The following CACNB2 variants were observed in gnomAD, a reference collection of about 807,000 sequenced individuals.
CACNB2 encodes the protein calcium voltage-gated channel auxiliary subunit beta 2, also known as voltage-dependent L-type calcium channel subunit beta-2.
In CACNB2, 42 loss-of-function variants were observed where a neutral mutation model predicts 73.3. The observed-to-expected ratio is 0.57, with a 90% CI of 0.45 to 0.74. CACNB2 has a LOEUF of 0.74. Among genes scored for constraint, CACNB2 ranks in the 30% least tolerant of loss-of-function variants. The probability of loss-of-function intolerance (pLI) is 0.00; values close to 1 mark genes in which losing one functional copy is unlikely to be tolerated. For synonymous variants in CACNB2, 348 were observed against 310.3 expected, an observed-to-expected ratio of 1.12 and a Z score of -1.28; for missense variants, 940 against 853.0, an observed-to-expected ratio of 1.10 and a Z score of -1.27.
At chr10:18,512,505 C>T (rs951661024) in intron 6 of CACNB2, among the ~76,000 whole-genome samples, 1 of 151,836 alleles carries the variant, frequency 6.6e-6, no homozygotes, top group African/African-American at 2.4e-5. Context: ...AAACTTTTCA[C>T]ACTGTCCTTA....
chr10:18,514,831 CTT>C (rs1331438720), intron 7 of CACNB2: 43 of 706,060 alleles, frequency 6.1e-5, no homozygotes, highest in Non-Finnish European at 1.0e-4. Context: ...TATTCTATCT[CTT>C]TCTTTTATCC....
At chr10:18,323,461 A>G (rs1051027028) in intron 2 of CACNB2, among the ~76,000 whole-genome samples, 13 of 152,044 alleles carry the variant, frequency 8.6e-5, no homozygotes, top group African/African-American at 3.1e-4. Flanking sequence ...TTTAGAACCT[A>G]TATCACAATT....
At chr10:18,363,075 T>C (rs1432217282) in intron 2 of CACNB2, among the ~76,000 whole-genome samples, 1 of 152,196 alleles carries the variant, frequency 6.6e-6, no homozygotes, top group African/African-American at 2.4e-5. Flanking sequence ...CTCTCTGTCA[T>C]AGTCACATGT....
At chr10:18,430,131 T>TA (rs35215145) in intron 3 of CACNB2, among the ~76,000 whole-genome samples, 47 of 149,722 alleles carry the variant, frequency 3.1e-4, no homozygotes, top group East Asian at 7.8e-4. Context: ...AAGAAGATGT[T>TA]AAAAAAAAAA....
chr10:18,481,231 T>TATATATATATATA lies in CACNB2; in HGVS notation c.334-17124_334-17123insATATATATATATA, dbSNP rs1467945071. 2.5e-3 allele frequency among the ~76,000 whole-genome samples: 31 copies of TATATATATATATA among 12,506 alleles called. 1 individual carries two copies. Among genetic ancestry groups the TATATATATATATA allele is most frequent in the Non-Finnish European group, 2.8e-3 (22 of 7,744 alleles). The allele number at this position is 12,506 out of a possible 152,430, so 8.2% of individuals were successfully genotyped here. A position where few individuals can be genotyped will look rare whatever the true frequency, so the allele number is the denominator to read the frequency against. On this transcript the variant is annotated intron_variant, in intron 3 of 13. Coordinates refer to ENST00000324631, the MANE Select transcript of CACNB2 (RefSeq NM_201596.3). The stretch of plus-strand genomic sequence containing the variant: ...ATATATATATATATATATATATATA[T>TATATATATATATA]TTTTTTTTTTTTTTTTTTTTTTTTT...
rs577252527 is a variant in CACNB2, at chr10:18,190,115, G to C, written c.213+39140G>C. 1.1e-4 allele frequency among the ~76,000 whole-genome samples: 17 copies of C among 152,242 alleles called. No homozygotes were observed. The South Asian group carries it at 3.1e-3, about 28-fold the overall frequency. On this transcript the variant is annotated intron_variant, in intron 2 of 13. Transcript: ENST00000324631. ...TTACCCCCGAAGCCCTTCATGGGTGGAGCTCCTTGAGACCCCTGGCTAAAT... is the reference window on the plus strand; with the variant it reads ...TTACCCCCGAAGCCCTTCATGGGTGCAGCTCCTTGAGACCCCTGGCTAAAT...
chr10:18,157,015 T>C (rs11594496), intron 2 of CACNB2, among the ~76,000 whole-genome samples: 27,519 of 151,218 alleles, frequency 0.18, 2,598 homozygotes, highest in African/African-American at 0.22. Flanking sequence ...TGCACTCAGA[T>C]TGCGCCATTG....
chr10:18,387,204 G>T (rs1198343146), intron 2 of CACNB2, among the ~76,000 whole-genome samples: 1 of 152,120 alleles, frequency 6.6e-6, no homozygotes, highest in East Asian at 1.9e-4. Context: ...ATCTATGACT[G>T]TTTCCTGCCA....
At chr10:18,264,276 A>G (rs2037688907) in intron 2 of CACNB2, among the ~76,000 whole-genome samples, 1 of 152,228 alleles carries the variant, frequency 6.6e-6, no homozygotes, top group South Asian at 2.1e-4. Context: ...TCATCATGGA[A>G]AATTGGGTAT....
At chr10:18,305,665 T>A (rs1475866458) in intron 2 of CACNB2, among the ~76,000 whole-genome samples, 8 of 152,162 alleles carry the variant, frequency 5.3e-5, no homozygotes, top group Non-Finnish European at 1.2e-4. Context: ...AGTCCCAATT[T>A]TAAGTAACAC....
At chr10:18,498,576 C>A (rs546792507) in intron 4 of CACNB2, 99 bp downstream of exon 4, 15 of 1,154,150 alleles carry the variant, frequency 1.3e-5, no homozygotes, top group Non-Finnish European at 1.7e-5. Context: ...AGTAGCATTG[C>A]ACATCGCTGC....
intron 3 of CACNB2, among the ~76,000 whole-genome samples, chr10:18,469,320 C>G (rs913374576): frequency 2.6e-5 from 4 of 152,208 alleles, no homozygotes; most frequent in African/African-American, 9.6e-5. Flanking sequence ...TGGACATCGC[C>G]ATTGGATGGG....
At chr10:18,449,867 G>A (rs951765744) in intron 3 of CACNB2, among the ~76,000 whole-genome samples, 2 of 152,188 alleles carry the variant, frequency 1.3e-5, no homozygotes, top group Admixed American at 6.5e-5. Context: ...GCAGAGAAGG[G>A]GCCTCAGAAA....
chr10:18,436,571 T>C (rs576392130), intron 3 of CACNB2, among the ~76,000 whole-genome samples: 1 of 152,332 alleles, frequency 6.6e-6, no homozygotes, highest in East Asian at 1.9e-4. Flanking sequence ...TTGACTTACA[T>C]GTGGCTTTAT....
At chr10:18,343,087 ATTAC>A (rs1242555420) in intron 2 of CACNB2, among the ~76,000 whole-genome samples, 4 of 152,192 alleles carry the variant, frequency 2.6e-5, no homozygotes, top group African/African-American at 7.2e-5. Context: ...ATTTGGTGTA[ATTAC>A]TTTCTACCGC....
intron 4 of CACNB2, among the ~76,000 whole-genome samples, chr10:18,499,339 T>A (rs536150425): frequency 6.6e-6 from 1 of 152,138 alleles, no homozygotes; most frequent in African/African-American, 2.4e-5. Context: ...AACCTAGGGC[T>A]GGGCCCGGTG....
chr10:18,455,074 G>C (rs2047211148), intron 3 of CACNB2, among the ~76,000 whole-genome samples: 1 of 149,396 alleles, frequency 6.7e-6, no homozygotes, highest in African/African-American at 2.4e-5. Flanking sequence ...CGTACTCATT[G>C]ACGTGAAAAG....
intron 4 of CACNB2, among the ~76,000 whole-genome samples, chr10:18,500,284 A>G (rs1419380071): frequency 1.3e-5 from 2 of 152,256 alleles, no homozygotes; most frequent in Non-Finnish European, 2.9e-5. Flanking sequence ...TTCCACCTGC[A>G]AGACATAAAT....
At chr10:18,154,343 A>C (rs1012896043) in intron 2 of CACNB2, among the ~76,000 whole-genome samples, 2 of 151,982 alleles carry the variant, frequency 1.3e-5, no homozygotes, top group Non-Finnish European at 2.9e-5. Context: ...TTAAGGAATA[A>C]ATTGTCCTCC....
Sources: gnomAD v4.1 joint callset for allele counts (sites outside exome capture counted in the v4.1 genomes callset) on GRCh38, gnomAD v4.1.1 for gene constraint, MANE v1.5 for transcripts, NCBI Gene and HGNC (gene_info 2026-07-23, HGNC 2026-07-21) for gene names.